DNAH2: variants seen among roughly 807,000 people sequenced by gnomAD.
DNAH2 encodes the protein axonemal beta dynein heavy chain 2.
A neutral mutation model predicts 523.5 loss-of-function variants in DNAH2; 323 were observed. The ratio of observed to expected loss-of-function variants is 0.62; its 90% CI spans 0.56 to 0.68. The LOEUF (loss-of-function observed/expected upper bound fraction) is 0.68. Among genes scored for constraint, DNAH2 ranks in the 30% least tolerant of loss-of-function variants. The probability of loss-of-function intolerance (pLI) is 0.00; values close to 1 mark genes in which losing one functional copy is unlikely to be tolerated. For synonymous variants in DNAH2, 2,093 were observed against 2,177.4 expected (o/e 0.96, Z 1.08); for missense variants, 4,907 against 5,701.5 (o/e 0.86, Z 4.49).
intron 68 of DNAH2, 73 bp downstream of exon 68, chr17:7,818,169 C>A (rs79109447): frequency 0.02 from 31,561 of 1,601,046 alleles, 416 homozygotes; most frequent in Middle Eastern, 0.059. Flanking sequence ...ACTGTGTCCT[C>A]TTCTTACCTG....
rs369887664 is a variant in DNAH2 at position 7,831,326 on chromosome 17, C to T, written c.12459+12C>T. On this transcript the variant is annotated intron_variant, in intron 80 of 85. Transcript: ENST00000572933. The surrounding 1 kb of genome is among the most constrained non-coding windows in gnomAD (Gnocchi z 4.2). Reference sequence around the variant, plus strand: ...CCCGGGAAGAGAAGGTAAAAAGAGCCGGGCCTGGGGGAGGGAAAGTGATGA... The same window carrying T: ...CCCGGGAAGAGAAGGTAAAAAGAGCTGGGCCTGGGGGAGGGAAAGTGATGA... 1.0e-4 allele frequency: 168 copies of T among 1,613,720 alleles called. No individual in the cohort carries two copies. The highest frequency in any genetic ancestry group is 1.4e-4 in the Non-Finnish European group (160 of 1,179,946).
chr17:7,793,034 C>G lies in DNAH2; in HGVS notation c.7398C>G (p.Thr2466=), dbSNP rs1157302582. The G allele has an allele frequency of 1.2e-6, 2 of 1,614,094 alleles. No homozygotes were observed. Among genetic ancestry groups the G allele is most frequent in the South Asian group, 2.2e-5 (2 of 91,078 alleles). The change falls in exon 48 of 86, where the codon ACC becomes ACG. Residue 2466 remains threonine, a synonymous_variant. Coordinates refer to ENST00000572933, the MANE Select transcript of DNAH2 (RefSeq NM_020877.5). ...TTGAGAGCAGGGTTGAGAAGCGAAC[C>G]AAGGGTGTCTACGTGCCATTCGGGG... ...SIIESRVEKR[T]KGVYVPFGGK... is the part of the protein sequence containing the mutation.
Position 7,817,558 on chromosome 17 carries a change from C to G in DNAH2, c.10021-3C>G. 1 of 1,614,112 alleles carries G rather than the reference C, an allele frequency of 6.2e-7. No homozygotes were observed. The highest frequency in any genetic ancestry group is 8.5e-7 in the Non-Finnish European group (1 of 1,180,018). On this transcript the variant is annotated splice_polypyrimidine_tract_variant and splice_region_variant and intron_variant, in intron 65 of 85. Transcript: ENST00000572933. ...TTAAAGCATGGGGCTTTTCTCTCCC[C>G]AGATCTGGGAGCTTCAGGTTCCTTG...
chr17:7,795,813 A>G (rs1259156053), intron 49 of DNAH2, among the ~76,000 whole-genome samples: 1 of 147,948 alleles, frequency 6.8e-6, no homozygotes, highest in Non-Finnish European at 1.5e-5. Context: ...CCTGACCACC[A>G]TGGAGAAACC....
At position 7,804,485 on chromosome 17, in the gene DNAH2, C is replaced by A; in HGVS notation, c.9183+19C>A. 7.5e-6 allele frequency: 12 copies of A among 1,608,856 alleles called. No individual in the cohort carries two copies. The highest frequency in any genetic ancestry group is 1.0e-5 in the Non-Finnish European group (12 of 1,178,078). ...GCAGAAGGTCCAGGGCCCACGCCCA[C>A]CCCCCGTGCCCCACTCCCACCAGTG... On this transcript the variant is annotated intron_variant, in intron 59 of 85. Transcript: ENST00000572933.
At position 7,753,790 on chromosome 17, in the gene DNAH2, A is replaced by G. The variant is rs527920749; in HGVS notation, c.1905-3301A>G. Among the ~76,000 whole-genome samples, 7 of 152,218 alleles carry G rather than the reference A, an allele frequency of 4.6e-5. No individual in the cohort carries two copies. In the East Asian group the frequency reaches 1.4e-3, roughly 29 times the overall value. Reference sequence around the variant, plus strand: ...TGACGAAACCCTGTCTCTACTAAAAATACAAAAATAAGCTGGGCATGGTGG... The same window carrying G: ...TGACGAAACCCTGTCTCTACTAAAAGTACAAAAATAAGCTGGGCATGGTGG... On this transcript the variant is annotated intron_variant, in intron 12 of 85. Transcript: ENST00000572933.
intron 7 of DNAH2, among the ~76,000 whole-genome samples, chr17:7,736,411 G>A (rs1278052973): frequency 1.3e-5 from 2 of 152,196 alleles, no homozygotes; most frequent in Admixed American, 6.5e-5. Context: ...GAATGAGAGT[G>A]ATATGCGGCC....
chr17:7,755,665 C>G (rs1414997366), intron 12 of DNAH2, among the ~76,000 whole-genome samples: 1 of 151,872 alleles, frequency 6.6e-6, no homozygotes, highest in East Asian at 1.9e-4. Context: ...TTTTCTCAGA[C>G]GTGGAGCGGT....
intron 18 of DNAH2, among the ~76,000 whole-genome samples, chr17:7,761,950 G>A (rs1446948931): frequency 6.6e-6 from 1 of 152,120 alleles, no homozygotes. Context: ...CCTCCTGAGG[G>A]CTCTAGAGTA....
At chr17:7,814,202 AAAC>A (rs1271701073) in intron 63 of DNAH2, among the ~76,000 whole-genome samples, 1 of 151,292 alleles carries the variant, frequency 6.6e-6, no homozygotes, top group Non-Finnish European at 1.5e-5. Flanking sequence ...AAAAAAAAAA[AAAC>A]AGATAGTAAA....
At chr17:7,794,124 TC>T (rs112995890) in intron 48 of DNAH2, 129 bp from the exon 49 acceptor site, 5,805 of 562,928 alleles carry the variant, frequency 0.01, 200 homozygotes, top group African/African-American at 0.081. Flanking sequence ...ACTCGCTGCA[TC>T]CCGGTTCCTC....
chr17:7,753,385 G>T (rs1043989370), intron 12 of DNAH2, among the ~76,000 whole-genome samples: 2 of 152,136 alleles, frequency 1.3e-5, no homozygotes, highest in Admixed American at 6.6e-5. Flanking sequence ...ATCAGCTTTC[G>T]GAAGGCAGCC....
chr17:7,806,872 G>C (rs2077381118), intron 61 of DNAH2, among the ~76,000 whole-genome samples: 2 of 152,012 alleles, frequency 1.3e-5, no homozygotes, highest in Non-Finnish European at 2.9e-5. Context: ...AAAGTGCAAA[G>C]CAGAGAGAAA....
chr17:7,828,824 A>G lies in DNAH2; in HGVS notation c.11854-1476A>G, dbSNP rs779937205. ...TTGGTACTTGACATATCTTGATGTCATAAGTGGCATTTTTTAAAAAGTCAT... is the reference window on the plus strand; with the variant it reads ...TTGGTACTTGACATATCTTGATGTCGTAAGTGGCATTTTTTAAAAAGTCAT... On this transcript the variant is annotated intron_variant, in intron 77 of 85. Transcript: ENST00000572933. The surrounding 1 kb of genome is among the most constrained non-coding windows in gnomAD (Gnocchi z 4.1). Among the ~76,000 whole-genome samples, 3 of 152,086 alleles carry G rather than the reference A, an allele frequency of 2.0e-5. No individual in the cohort carries two copies. The highest frequency in any genetic ancestry group is 4.4e-5 in the Non-Finnish European group (3 of 68,036).
chr17:7,719,649 G>T, intron 1 of DNAH2, 72 bp from the exon 2 acceptor site: 1 of 1,564,292 alleles, frequency 6.4e-7, no homozygotes, highest in South Asian at 1.1e-5. Context: ...ATTCAAAAGG[G>T]ACTGCTTGTA....
chr17:7,770,460 A>G (rs752268256), intron 25 of DNAH2, 52 bp downstream of exon 25: 4 of 1,611,550 alleles, frequency 2.5e-6, no homozygotes, highest in Non-Finnish European at 2.5e-6. Flanking sequence ...CCTGGAGCAC[A>G]GGCTCCAGCT....
Position 7,821,499 on chromosome 17 carries a change from C to T in DNAH2, c.11142+130C>T, listed in dbSNP as rs1185732759. On this transcript the variant is annotated intron_variant, in intron 73 of 85. Transcript: ENST00000572933. This position sits in a 1 kb window ranked among gnomAD's most constrained non-coding sequence, Gnocchi z 5.0. Reference sequence around the variant, plus strand: ...GTGAGTGAGCTGAGAAAATCCAGGCCAGCATCAGGTGCATGGTGAGCTCCC... The same window carrying T: ...GTGAGTGAGCTGAGAAAATCCAGGCTAGCATCAGGTGCATGGTGAGCTCCC... 9.1e-6 allele frequency: 12 copies of T among 1,322,632 alleles called. No individual in the cohort carries two copies. Among genetic ancestry groups the T allele is most frequent in the African/African-American group, 3.0e-5 (2 of 67,480 alleles). 81.9% of individuals were successfully genotyped at this position (1,322,632 alleles called of 1,614,324 possible).
At chr17:7,723,715 G>A (rs776304924) in intron 3 of DNAH2, 26 bp downstream of exon 3, 1 of 1,606,406 alleles carries the variant, frequency 6.2e-7, no homozygotes. Flanking sequence ...CCCTGTGGCA[G>A]ATATTCCTCC....
intron 39 of DNAH2, among the ~76,000 whole-genome samples, chr17:7,782,543 A>C (rs1285272760): frequency 6.6e-6 from 1 of 152,214 alleles, no homozygotes; most frequent in Non-Finnish European, 1.5e-5. Flanking sequence ...TGCCACAGGT[A>C]AAAGTCCAAG....
Sources: gnomAD v4.1 joint callset for allele counts (sites outside exome capture counted in the v4.1 genomes callset) on GRCh38, gnomAD v4.1.1 for gene constraint, Gnocchi (gnomAD v3.1) non-coding constraint, MANE v1.5 for transcripts, NCBI Gene and HGNC (gene_info 2026-07-23, HGNC 2026-07-21) for gene names.